CADM2: variants seen among roughly 807,000 people sequenced by gnomAD.
CADM2 encodes cell adhesion molecule 2.
In CADM2, 12 loss-of-function variants were observed where a neutral mutation model predicts 49.8. That is an observed-to-expected ratio of 0.24 (90% CI 0.15 to 0.39). The LOEUF (loss-of-function observed/expected upper bound fraction) is 0.39, where lower values mean the gene tolerates loss of function less well. Among genes scored for constraint, CADM2 ranks in the 10% least tolerant of loss-of-function variants. The pLI is 1.00. For missense variants in CADM2, 378 were observed against 492.3 expected, an observed-to-expected ratio of 0.77 and a Z score of 2.20; for synonymous variants, 214 against 175.4, an observed-to-expected ratio of 1.22 and a Z score of -1.74.
intron 1 of CADM2, among the ~76,000 whole-genome samples, chr3:85,232,664 G>GA (rs1005300940): frequency 4.0e-5 from 6 of 151,488 alleles, no homozygotes; most frequent in East Asian, 1.9e-4. Flanking sequence ...ATAAACATGT[G>GA]AAAAAAAACA....
intron 2 of CADM2, among the ~76,000 whole-genome samples, chr3:85,781,151 C>T (rs773786282): frequency 1.2e-4 from 18 of 152,242 alleles, no homozygotes; most frequent in Middle Eastern, 6.8e-3. Context: ...CCTTTTGTGT[C>T]GGTACTTGCA....
intron 1 of CADM2, among the ~76,000 whole-genome samples, chr3:85,447,508 T>C (rs1024147772): frequency 1.3e-5 from 2 of 152,172 alleles, no homozygotes; most frequent in African/African-American, 4.8e-5. Flanking sequence ...GTGTATTCTG[T>C]AGTCTACAGG....
chr3:85,580,204 A>G lies in CADM2; in HGVS notation c.62-146318A>G, dbSNP rs560792483. Among the ~76,000 whole-genome samples the G allele has an allele frequency of 7.2e-5, 11 of 152,280 alleles. No individual in the cohort carries two copies. In the East Asian group the frequency reaches 2.1e-3, roughly 29 times the overall value. ...TTAATCATTTCAGTTATTTACTACA[A>G]TGCTATCAACCTAGAATTTAGTAGC... On this transcript the variant is annotated intron_variant, in intron 1 of 9. Coordinates refer to ENST00000383699, the MANE Select transcript of CADM2 (RefSeq NM_001167675.2).
chr3:85,579,987 A>G (rs184727755), intron 1 of CADM2, among the ~76,000 whole-genome samples: 44 of 152,332 alleles, frequency 2.9e-4, no homozygotes, highest in Middle Eastern at 6.8e-3. Context: ...TGTTCTATAC[A>G]TGCCTTAGAA....
At chr3:85,378,285 A>G (rs1027442508) in intron 1 of CADM2, among the ~76,000 whole-genome samples, 1 of 151,886 alleles carries the variant, frequency 6.6e-6, no homozygotes, top group Non-Finnish European at 1.5e-5. Context: ...CCACTCGTAT[A>G]TTTATCTTCC....
chr3:85,425,399 T>C (rs2036353997), intron 1 of CADM2, among the ~76,000 whole-genome samples: 1 of 152,208 alleles, frequency 6.6e-6, no homozygotes, highest in Admixed American at 6.5e-5. Context: ...TACATATTTA[T>C]GGGCTACACA....
chr3:85,022,959 A>T (rs536048985), intron 1 of CADM2, among the ~76,000 whole-genome samples: 1 of 152,202 alleles, frequency 6.6e-6, no homozygotes, highest in African/African-American at 2.4e-5. Context: ...AACATATATT[A>T]TACAAGTCTT....
chr3:85,252,508 T>G (rs1356628804), intron 1 of CADM2, among the ~76,000 whole-genome samples: 1 of 152,036 alleles, frequency 6.6e-6, no homozygotes, highest in Admixed American at 6.6e-5. Context: ...TACTGTATGA[T>G]AACTAAGGCA....
intron 3 of CADM2, among the ~76,000 whole-genome samples, chr3:85,840,994 C>T (rs1577448468): frequency 6.6e-6 from 1 of 151,396 alleles, no homozygotes; most frequent in Non-Finnish European, 1.5e-5. Flanking sequence ...CTAAATTGGT[C>T]TATAGTATTC....
chr3:85,078,742 G>A (rs185779916), intron 1 of CADM2, among the ~76,000 whole-genome samples: 168 of 150,788 alleles, frequency 1.1e-3, no homozygotes, highest in Non-Finnish European at 2.2e-3. Context: ...AAATATAGCC[G>A]GTAACCCCAT....
chr3:85,670,399 C>G (rs578024726), intron 1 of CADM2, among the ~76,000 whole-genome samples: 8 of 152,038 alleles, frequency 5.3e-5, no homozygotes, highest in South Asian at 4.2e-4. Flanking sequence ...TCAAATATCC[C>G]AAACCTAACC....
intron 2 of CADM2, among the ~76,000 whole-genome samples, chr3:85,735,184 A>C (rs1173007553): frequency 6.6e-6 from 1 of 152,118 alleles, no homozygotes; most frequent in African/African-American, 2.4e-5. Flanking sequence ...AAAGTGGAAG[A>C]ATGAGTTAGG....
intron 2 of CADM2, among the ~76,000 whole-genome samples, chr3:85,733,814 A>G (rs2068027789): frequency 6.6e-6 from 1 of 152,130 alleles, no homozygotes; most frequent in African/African-American, 2.4e-5. Context: ...GAAAGGCAAG[A>G]TCTTCTGGGA....
intron 8 of CADM2, among the ~76,000 whole-genome samples, chr3:86,052,218 C>T (rs1343462918): frequency 6.6e-6 from 1 of 152,048 alleles, no homozygotes; most frequent in Non-Finnish European, 1.5e-5. Context: ...TTAATGATAT[C>T]TATGAAAAAC....
intron 1 of CADM2, among the ~76,000 whole-genome samples, chr3:85,167,168 C>T (rs961893737): frequency 4.0e-5 from 6 of 151,798 alleles, no homozygotes; most frequent in Non-Finnish European, 7.4e-5. Context: ...TCAAAAGATT[C>T]CAGTATCAAA....
At chr3:85,831,182 T>C (rs939721733) in intron 3 of CADM2, among the ~76,000 whole-genome samples, 1 of 151,950 alleles carries the variant, frequency 6.6e-6, no homozygotes, top group African/African-American at 2.4e-5. Context: ...ATTCTCTTTA[T>C]GGTTGTTTAT....
intron 1 of CADM2, among the ~76,000 whole-genome samples, chr3:85,500,879 T>C (rs2040087945): frequency 6.6e-6 from 1 of 151,650 alleles, no homozygotes; most frequent in Admixed American, 6.6e-5. Flanking sequence ...ATGCAGTCAC[T>C]GAAATTTCTC....
chr3:85,406,738 G>A (rs899464040), intron 1 of CADM2, among the ~76,000 whole-genome samples: 1 of 151,920 alleles, frequency 6.6e-6, no homozygotes, highest in Non-Finnish European at 1.5e-5. Context: ...CACAAAACTT[G>A]CCAATTTCAC....
At chr3:85,593,347 C>T (rs924717014) in intron 1 of CADM2, among the ~76,000 whole-genome samples, 1 of 151,892 alleles carries the variant, frequency 6.6e-6, no homozygotes, top group African/African-American at 2.4e-5. Context: ...AAAATCAAAG[C>T]AAGATTTTTA....
Sources: allele counts gnomAD v4.1 joint callset (sites outside exome capture counted in the v4.1 genomes callset), GRCh38; gene constraint gnomAD v4.1.1; transcripts MANE v1.5; gene names NCBI Gene and HGNC (gene_info 2026-07-23, HGNC 2026-07-21).